Variants in LNX2 observed in about 807,000 individuals in gnomAD.
LNX2 encodes the protein ligand of numb-protein X 2, also known as ligand of Numb protein X 2.
Under a neutral mutation model 66.2 loss-of-function variants are expected in LNX2, and 35 were observed. That is an observed-to-expected ratio of 0.53 (90% CI 0.40 to 0.70). The LOEUF (loss-of-function observed/expected upper bound fraction) is 0.70. Ranked by LOEUF, LNX2 falls within the 30% of genes least tolerant of loss-of-function variation. The pLI, the probability that LNX2 is intolerant of heterozygous loss-of-function variation, is 0.00. For missense variants in LNX2, 791 were observed against 850.8 expected (o/e 0.93, Z 0.87); for synonymous variants, 337 against 315.6 (o/e 1.07, Z -0.72).
chr13:27,605,684 G>T (rs1482166398), intron 1 of LNX2, among the ~76,000 whole-genome samples: 2 of 152,042 alleles, frequency 1.3e-5, no homozygotes, highest in African/African-American at 4.8e-5. Flanking sequence ...GAAAAATATC[G>T]ACCTTACAGG....
At position 27,548,074 on chromosome 13, in the gene LNX2, G is replaced by A. The variant is rs1954963507; in HGVS notation, c.*261C>T. On this transcript the variant is annotated 3_prime_UTR_variant, in exon 10 of 10. Transcript: ENST00000316334. ...TGGGTGAGCTTTGCTCATTACCATAGGTAACATTTTAACAACTAAGTCTGA... is the reference window on the plus strand; with the variant it reads ...TGGGTGAGCTTTGCTCATTACCATAAGTAACATTTTAACAACTAAGTCTGA... The A allele has an allele frequency of 2.4e-6, 1 of 417,174 alleles. No individual in the cohort carries two copies. The highest frequency in any genetic ancestry group is 4.3e-6 in the Non-Finnish European group (1 of 231,642). 25.8% of individuals were successfully genotyped at this position (417,174 alleles called of 1,614,324 possible). A position where few individuals can be genotyped will look rare whatever the true frequency, so the allele number is the denominator to read the frequency against.
At chr13:27,602,315 A>G (rs1483579390) in intron 1 of LNX2, among the ~76,000 whole-genome samples, 1 of 152,136 alleles carries the variant, frequency 6.6e-6, no homozygotes, top group African/African-American at 2.4e-5. Context: ...GCAAATCCCT[A>G]TTAAGATAGA....
intron 8 of LNX2, among the ~76,000 whole-genome samples, chr13:27,551,095 A>G (rs1457224753): frequency 6.6e-6 from 1 of 152,168 alleles, no homozygotes; most frequent in East Asian, 1.9e-4. Flanking sequence ...ATCAATCTGA[A>G]AAACACTAAC....
At chr13:27,615,089 C>T (rs562378) in intron 1 of LNX2, among the ~76,000 whole-genome samples, 95,661 of 151,754 alleles carry the variant, frequency 0.63, 31,035 homozygotes, top group Non-Finnish European at 0.69. Flanking sequence ...GGAGATAACC[C>T]CAGATCCCAA....
intron 1 of LNX2, among the ~76,000 whole-genome samples, chr13:27,607,122 A>G (rs1464688887): frequency 2.6e-5 from 4 of 152,238 alleles, no homozygotes; most frequent in South Asian, 2.1e-4. Context: ...TTTTTGCAAG[A>G]CACATTGTTT....
At chr13:27,571,715 A>T (rs1413525658) in intron 2 of LNX2, among the ~76,000 whole-genome samples, 1 of 152,194 alleles carries the variant, frequency 6.6e-6, no homozygotes, top group East Asian at 1.9e-4. Flanking sequence ...ACTATATTTT[A>T]AAAAAAGTAT....
chr13:27,616,190 G>A (rs1400244482), intron 1 of LNX2, among the ~76,000 whole-genome samples: 2 of 150,122 alleles, frequency 1.3e-5, no homozygotes, highest in African/African-American at 2.4e-5. Flanking sequence ...GGGGGGTTGG[G>A]GGGGGTAGCA....
At chr13:27,555,321 T>A (rs567424642) in intron 7 of LNX2, among the ~76,000 whole-genome samples, 2 of 152,362 alleles carry the variant, frequency 1.3e-5, no homozygotes, top group East Asian at 3.9e-4. Context: ...GATTCTTTCC[T>A]CATCTTTATG....
intron 1 of LNX2, among the ~76,000 whole-genome samples, chr13:27,590,296 G>C (rs1200997735): frequency 6.6e-6 from 1 of 151,854 alleles, no homozygotes; most frequent in Non-Finnish European, 1.5e-5. Flanking sequence ...ATGCAGTGGT[G>C]CAATCTCGGC....
chr13:27,581,603 T>C lies in LNX2; in HGVS notation c.101A>G (p.Glu34Gly). 1 of 1,614,180 alleles carries C rather than the reference T, an allele frequency of 6.2e-7. No individual in the cohort carries two copies. The highest frequency in any genetic ancestry group is 8.5e-7 in the Non-Finnish European group (1 of 1,180,038). Residue 34 changes from glutamate to glycine, a missense_variant, in exon 2 of 10, where the codon GAA becomes GGA. Physicochemically the swap from Glu to Gly is moderately conservative, Grantham distance 98. Transcript: ENST00000316334. Reference sequence around the variant, plus strand: ...ATTCTGGTAATTGTACAAATGGTTTTCTCTTGTCCAGTGCTGTTGGCCACA... The same window carrying C: ...ATTCTGGTAATTGTACAAATGGTTTCCTCTTGTCCAGTGCTGTTGGCCACA... ...FECGQQHWTR[E>G]NHLYNYQNEV...
chr13:27,550,429 C>T lies in LNX2; in HGVS notation c.1841G>A (p.Ser614Asn), dbSNP rs1954993513. The T allele has an allele frequency of 1.2e-6, 2 of 1,614,008 alleles. No homozygotes were observed. The highest frequency in any genetic ancestry group is 1.7e-6 in the Non-Finnish European group (2 of 1,179,930). The change falls in exon 9 of 10, where the codon AGT (serine) becomes AAT (asparagine). Residue 614 changes from serine to asparagine, a missense_variant. Physicochemically the swap from Ser to Asn is conservative, Grantham distance 46 (BLOSUM62 1). Transcript: ENST00000316334. The part of the protein sequence containing the change: ...RRSYLGSWGF[S>N]IVGGYEENHT... ...GTTCTCTTCATATCCACCAACGATACTAAAGCCCCAACTTCCCAAGTAACT... is the reference window on the plus strand; with the variant it reads ...GTTCTCTTCATATCCACCAACGATATTAAAGCCCCAACTTCCCAAGTAACT...
At chr13:27,571,547 G>A (rs1246480106) in intron 2 of LNX2, among the ~76,000 whole-genome samples, 2 of 152,100 alleles carry the variant, frequency 1.3e-5, no homozygotes. Context: ...TGCTGAAAAT[G>A]TTCTAAAAAT....
At chr13:27,617,908 T>A (rs1955844445) in intron 1 of LNX2, among the ~76,000 whole-genome samples, 1 of 152,244 alleles carries the variant, frequency 6.6e-6, no homozygotes, top group Admixed American at 6.5e-5. Flanking sequence ...AATGTCATCA[T>A]CTAAAGGAAC....
intron 5 of LNX2, among the ~76,000 whole-genome samples, chr13:27,560,565 G>GCATATATA (rs1242930383): frequency 4.2e-5 from 5 of 120,014 alleles, no homozygotes; most frequent in Non-Finnish European, 7.0e-5. Flanking sequence ...ATGTATGTGT[G>GCATATATA]TATATATATA....
chr13:27,583,192 G>A (rs879834603), intron 1 of LNX2, among the ~76,000 whole-genome samples: 206 of 9,644 alleles, frequency 0.021, 11 homozygotes, highest in Middle Eastern at 0.038. Context: ...GTGTGTGTGT[G>A]TGTGTGTGTG....
intron 1 of LNX2, among the ~76,000 whole-genome samples, chr13:27,583,848 T>TA (rs980087023): frequency 6.6e-6 from 1 of 152,112 alleles, no homozygotes; most frequent in Non-Finnish European, 1.5e-5. Context: ...CACAGGGTGT[T>TA]ACGTGACTAT....
At position 27,549,479 on chromosome 13, in the gene LNX2, A is replaced by C. The variant is rs773948629; in HGVS notation, c.1937+854T>G. Among the ~76,000 whole-genome samples the C allele has an allele frequency of 2.0e-5, 3 of 152,204 alleles. No individual in the cohort carries two copies. In the East Asian group the frequency reaches 5.8e-4, roughly 29 times the overall value. Reference sequence around the variant, plus strand: ...TGAGCGAGGACTTTTGCTCAGTGGTAGAGGCTGGCAGAGGGGTTAAAGTCC... The same window carrying C: ...TGAGCGAGGACTTTTGCTCAGTGGTCGAGGCTGGCAGAGGGGTTAAAGTCC... On this transcript the variant is annotated intron_variant, in intron 9 of 9. Coordinates refer to ENST00000316334, the MANE Select transcript of LNX2 (RefSeq NM_153371.4).
At chr13:27,573,445 A>T (rs1168881155) in intron 2 of LNX2, among the ~76,000 whole-genome samples, 1 of 27,226 alleles carries the variant, frequency 3.7e-5, no homozygotes, top group Non-Finnish European at 7.7e-5. Flanking sequence ...GCATTGGTTA[A>T]AAAAAAAAAA....
chr13:27,556,825 A>G (rs958169041), intron 6 of LNX2, among the ~76,000 whole-genome samples: 1 of 152,228 alleles, frequency 6.6e-6, no homozygotes, highest in Non-Finnish European at 1.5e-5. Flanking sequence ...TTGACAGAGT[A>G]GTACAAAAGT....
Sources: gnomAD v4.1 joint callset for allele counts (sites outside exome capture counted in the v4.1 genomes callset) on GRCh38, gnomAD v4.1.1 for gene constraint, MANE v1.5 for transcripts, NCBI Gene and HGNC (gene_info 2026-07-23, HGNC 2026-07-21) for gene names.